Variants in TRHDE observed in about 807,000 individuals in gnomAD.
The protein encoded by TRHDE is thyrotropin releasing hormone degrading enzyme.
A neutral mutation model predicts 125.7 loss-of-function variants in TRHDE; 72 were observed. The ratio of observed to expected loss-of-function variants is 0.57; its 90% CI spans 0.47 to 0.70. TRHDE has a LOEUF of 0.70. Ranked by LOEUF, TRHDE falls within the 30% of genes least tolerant of loss-of-function variation. The pLI, the probability that TRHDE is intolerant of heterozygous loss-of-function variation, is 0.00. For synonymous variants in TRHDE, 509 were observed against 509.1 expected (o/e 1.00, Z 0.00); for missense variants, 1,110 against 1,327.1 (o/e 0.84, Z 2.54).
chr12:72,183,046 T>A (rs1877126349), intron 2 of TRHDE, among the ~76,000 whole-genome samples: 2 of 152,144 alleles, frequency 1.3e-5, no homozygotes, highest in Admixed American at 1.3e-4. Context: ...TACCTGACAT[T>A]TCTATCCCCA....
At chr12:72,640,178 C>T (rs543887782) in intron 15 of TRHDE, among the ~76,000 whole-genome samples, 24 of 152,348 alleles carry the variant, frequency 1.6e-4, no homozygotes, top group East Asian at 7.7e-4. Context: ...TAGGACCCTC[C>T]GAGCCAGGTG....
chr12:72,098,578 G>T (rs1396707851), intron 1 of TRHDE, among the ~76,000 whole-genome samples: 1 of 152,154 alleles, frequency 6.6e-6, no homozygotes, highest in African/African-American at 2.4e-5. Flanking sequence ...TTGACCAGTA[G>T]AATTTGGTAA....
intron 2 of TRHDE, among the ~76,000 whole-genome samples, chr12:72,252,513 G>T (rs898047343): frequency 6.6e-6 from 1 of 152,020 alleles, no homozygotes; most frequent in Non-Finnish European, 1.5e-5. Flanking sequence ...TCCATGCCTT[G>T]GCAAATACCA....
chr12:72,293,373 G>T (rs554312660), intron 2 of TRHDE, among the ~76,000 whole-genome samples: 1 of 152,226 alleles, frequency 6.6e-6, no homozygotes, highest in South Asian at 2.1e-4. Context: ...ATCTCAAAAA[G>T]AGAAATGTAT....
chr12:72,185,678 T>C (rs1217031144), intron 2 of TRHDE, among the ~76,000 whole-genome samples: 1 of 149,740 alleles, frequency 6.7e-6, no homozygotes, highest in East Asian at 2.0e-4. Flanking sequence ...GGATTGTAAA[T>C]ACACCAATCA....
chr12:72,227,954 C>T (rs1878167831), intron 2 of TRHDE, among the ~76,000 whole-genome samples: 1 of 152,218 alleles, frequency 6.6e-6, no homozygotes, highest in Admixed American at 6.5e-5. Context: ...TTGGGCAGCT[C>T]TGCCCCTGTG....
chr12:72,510,656 A>G (rs1204764084), intron 6 of TRHDE, among the ~76,000 whole-genome samples: 1 of 152,160 alleles, frequency 6.6e-6, no homozygotes, highest in Admixed American at 6.5e-5. Context: ...CATTCCATGA[A>G]TGAAAAAAAA....
At chr12:72,637,803 G>C (rs1300992349) in intron 15 of TRHDE, among the ~76,000 whole-genome samples, 1 of 152,052 alleles carries the variant, frequency 6.6e-6, no homozygotes, top group Non-Finnish European at 1.5e-5. Context: ...TTTCCATGTA[G>C]TTGAGTGGTT....
intron 2 of TRHDE, among the ~76,000 whole-genome samples, chr12:72,303,461 A>T (rs1361419890): frequency 6.6e-6 from 1 of 152,108 alleles, no homozygotes; most frequent in Admixed American, 6.5e-5. Flanking sequence ...GAGCCCCTAC[A>T]GCAGTGGCTC....
intron 2 of TRHDE, among the ~76,000 whole-genome samples, chr12:72,184,342 A>C (rs1467204476): frequency 6.6e-6 from 1 of 152,094 alleles, no homozygotes; most frequent in East Asian, 1.9e-4. Context: ...CCAAAGCCTG[A>C]GCAAGATGAT....
Position 72,663,036 on chromosome 12 carries a change from A to G in TRHDE, c.3067-16A>G, listed in dbSNP as rs377658372. The G allele has an allele frequency of 7.5e-6, 12 of 1,595,596 alleles. No homozygotes were observed. The highest frequency in any genetic ancestry group is 1.4e-5 in the African/African-American group (1 of 73,942). ...TAAGACAGGCAGATTTACCATTTAA[A>G]AATTTCTCTTTCCAGCTCAAGAACT... On this transcript the variant is annotated splice_polypyrimidine_tract_variant and intron_variant, in intron 18 of 18. Transcript: ENST00000261180.
intron 3 of TRHDE, among the ~76,000 whole-genome samples, chr12:72,387,615 T>C (rs890325612): frequency 6.6e-6 from 1 of 152,172 alleles, no homozygotes; most frequent in Non-Finnish European, 1.5e-5. Flanking sequence ...AAGATTCTGA[T>C]ATGGTTTGAC....
intron 7 of TRHDE, among the ~76,000 whole-genome samples, chr12:72,552,277 A>G (rs1408659207): frequency 2.6e-5 from 4 of 152,206 alleles, no homozygotes; most frequent in Non-Finnish European, 5.9e-5. Flanking sequence ...TATTCAGGTA[A>G]GAGATTATCA....
chr12:72,570,932 G>A (rs1041179971), intron 10 of TRHDE, among the ~76,000 whole-genome samples: 1 of 152,072 alleles, frequency 6.6e-6, no homozygotes, highest in Non-Finnish European at 1.5e-5. Context: ...ATATAACATT[G>A]CCACATTTAG....
At chr12:72,257,208 A>C (rs1317505276) in intron 2 of TRHDE, 1 of 152,202 alleles carries the variant, frequency 6.6e-6, no homozygotes, top group Admixed American at 6.5e-5. Flanking sequence ...CCGATGCTCC[A>C]AAATCCAAAA....
intron 2 of TRHDE, among the ~76,000 whole-genome samples, chr12:72,201,977 C>A (rs900061660): frequency 6.6e-6 from 1 of 152,154 alleles, no homozygotes; most frequent in African/African-American, 2.4e-5. Context: ...AATTCCAGAA[C>A]TCTGTCTTAT....
chr12:72,360,497 AC>A (rs1244904380), intron 2 of TRHDE, among the ~76,000 whole-genome samples: 13 of 151,902 alleles, frequency 8.6e-5, no homozygotes, highest in Admixed American at 5.3e-4. Flanking sequence ...ATGATGCTCA[AC>A]CTCACTATTA....
chr12:72,470,198 A>C (rs1177493057), intron 4 of TRHDE, among the ~76,000 whole-genome samples: 1 of 152,226 alleles, frequency 6.6e-6, no homozygotes, highest in Admixed American at 6.5e-5. Context: ...GTCAGTTATC[A>C]ACCTTGCTTT....
chr12:72,395,529 C>A (rs562593182), intron 3 of TRHDE, among the ~76,000 whole-genome samples: 2 of 152,244 alleles, frequency 1.3e-5, no homozygotes, highest in Admixed American at 6.5e-5. Flanking sequence ...GAATTCCCAA[C>A]CTACTAATCC....
Sources: gnomAD v4.1 joint callset for allele counts (sites outside exome capture counted in the v4.1 genomes callset) on GRCh38, gnomAD v4.1.1 for gene constraint, MANE v1.5 for transcripts, NCBI Gene and HGNC (gene_info 2026-07-23, HGNC 2026-07-21) for gene names.